Variants in PPP5C observed in about 807,000 individuals in gnomAD.
The protein encoded by PPP5C is serine/threonine-protein phosphatase 5.
A neutral mutation model predicts 66.7 loss-of-function variants in PPP5C; 21 were observed. The ratio of observed to expected loss-of-function variants is 0.31; its 90% CI spans 0.22 to 0.45. The LOEUF (loss-of-function observed/expected upper bound fraction) is 0.45. Ranked by LOEUF, PPP5C falls within the 20% of genes least tolerant of loss-of-function variation. PPP5C has a pLI of 1.00. For missense variants in PPP5C, 464 were observed against 675.9 expected (o/e 0.69, Z 3.48); for synonymous variants, 246 against 257.4 (o/e 0.96, Z 0.43).
At chr19:46,385,004 T>A (rs1221994508) in intron 7 of PPP5C, 95 bp downstream of exon 7, 1 of 1,022,758 alleles carries the variant, frequency 9.8e-7, no homozygotes, top group Non-Finnish European at 1.5e-6. Flanking sequence ...ATTTATTTTG[T>A]GGACTCGGAG....
At chr19:46,387,294 T>C in intron 8 of PPP5C, 59 bp downstream of exon 8, 1 of 1,612,724 alleles carries the variant, frequency 6.2e-7, no homozygotes, top group East Asian at 2.2e-5. Flanking sequence ...TGGGCAGATG[T>C]GCTGGTGAAG....
rs1972853464 is a variant in PPP5C, at chr19:46,384,752, C to T, written c.799-52C>T. The T allele has an allele frequency of 2.8e-6, 4 of 1,427,646 alleles. No homozygotes were observed. In the East Asian group the frequency reaches 9.1e-5, roughly 33 times the overall value. 88.4% of individuals were successfully genotyped at this position (1,427,646 alleles called of 1,614,324 possible). On this transcript the variant is annotated intron_variant, in intron 6 of 12. Transcript: ENST00000012443. Reference sequence around the variant, plus strand: ...TCTTCTGCCACCACCCCCAACCCCACCGCACCGCACCCTTCCCCTCCACGC... The same window carrying T: ...TCTTCTGCCACCACCCCCAACCCCATCGCACCGCACCCTTCCCCTCCACGC...
At chr19:46,360,951 G>A (rs1201092395) in intron 2 of PPP5C, among the ~76,000 whole-genome samples, 1 of 152,148 alleles carries the variant, frequency 6.6e-6, no homozygotes, top group African/African-American at 2.4e-5. Context: ...CTCTTTGGTA[G>A]AGAGGAGACT....
chr19:46,382,725 T>A, intron 4 of PPP5C: 1 of 916,058 alleles, frequency 1.1e-6, no homozygotes, highest in Non-Finnish European at 1.3e-6. Context: ...AAAGACGTCC[T>A]CTTGTGTGAC....
Position 46,364,040 on chromosome 19 carries a change from T to C in PPP5C, c.363+10051T>C, listed in dbSNP as rs984002469. Reference sequence around the variant, plus strand: ...CAGCGGTACATCAAAGAACAGGACTTAGAGGAGCCAGTCAAGGAGATCTTG... The same window carrying C: ...CAGCGGTACATCAAAGAACAGGACTCAGAGGAGCCAGTCAAGGAGATCTTG... On this transcript the variant is annotated intron_variant, in intron 2 of 12. Transcript: ENST00000012443. Among the ~76,000 whole-genome samples the C allele has an allele frequency of 3.9e-5, 6 of 152,170 alleles. No homozygotes were observed. In the South Asian group the frequency reaches 1.2e-3, roughly 32 times the overall value.
At chr19:46,369,492 C>A (rs191447655) in intron 2 of PPP5C, among the ~76,000 whole-genome samples, 1 of 151,594 alleles carries the variant, frequency 6.6e-6, no homozygotes, top group African/African-American at 2.4e-5. Context: ...ATTAGCCGGG[C>A]GTGGTGGCAG....
intron 7 of PPP5C, among the ~76,000 whole-genome samples, chr19:46,385,947 GAAA>G (rs35801370): frequency 7.9e-6 from 1 of 127,110 alleles, no homozygotes. Flanking sequence ...CTGTCTCTTT[GAAA>G]AAAAAAAAAA....
intron 2 of PPP5C, among the ~76,000 whole-genome samples, chr19:46,372,104 C>T (rs771390360): frequency 2.0e-5 from 3 of 152,016 alleles, no homozygotes; most frequent in Admixed American, 6.6e-5. Context: ...CAGAAATGGC[C>T]GTGTATGTGC....
At position 46,383,604 on chromosome 19, in the gene PPP5C, C is replaced by A; in HGVS notation, c.699+128C>A. On this transcript the variant is annotated intron_variant, in intron 5 of 12. Transcript: ENST00000012443. This position sits in a 1 kb window ranked among gnomAD's most constrained non-coding sequence, Gnocchi z 5.0. The stretch of plus-strand genomic sequence containing the variant: ...CCTCACACCCCACCCCTGTGCCTTT[C>A]CTCCTGAATATCCCATTTCTCTCCT... 9.0e-7 allele frequency: 1 copy of A among 1,106,922 alleles called. No homozygotes were observed. The highest frequency in any genetic ancestry group is 1.6e-5 in the South Asian group (1 of 64,214). 68.6% of individuals were successfully genotyped at this position (1,106,922 alleles called of 1,614,324 possible).
intron 2 of PPP5C, among the ~76,000 whole-genome samples, chr19:46,357,454 C>T (rs751855549): frequency 3.9e-5 from 6 of 152,134 alleles, no homozygotes; most frequent in Non-Finnish European, 5.9e-5. Context: ...ACCAAGCAGT[C>T]GATTCTGCAG....
intron 1 of PPP5C, among the ~76,000 whole-genome samples, chr19:46,350,739 AGGCTC>A (rs1339625167): frequency 7.1e-6 from 1 of 141,148 alleles, no homozygotes; most frequent in East Asian, 2.1e-4. Context: ...AAAGGAAGCA[AGGCTC>A]GGAGAAGTGA....
intron 2 of PPP5C, among the ~76,000 whole-genome samples, chr19:46,367,951 C>T (rs942689286): frequency 6.6e-6 from 1 of 152,182 alleles, no homozygotes; most frequent in Non-Finnish European, 1.5e-5. Context: ...TCATTTCCCC[C>T]GTTCCAGCTG....
chr19:46,384,532 C>T (rs1435271922), intron 6 of PPP5C: 11 of 413,190 alleles, frequency 2.7e-5, no homozygotes, highest in South Asian at 7.3e-5. Context: ...CGCACCTCCC[C>T]GCCACTGGCT....
intron 6 of PPP5C, 32 bp from the exon 7 acceptor site, chr19:46,384,772 C>G (rs1051451787): frequency 1.3e-6 from 2 of 1,551,894 alleles, no homozygotes; most frequent in Non-Finnish European, 1.8e-6. Context: ...CCCTTCCCCT[C>G]CACGCTTGCC....
At chr19:46,389,367 ACACACACACACACACACAC>A (rs545121681) in intron 11 of PPP5C, among the ~76,000 whole-genome samples, 33 of 2,178 alleles carry the variant, frequency 0.015, no homozygotes, top group African/African-American at 0.021. Flanking sequence ...CTCAAAACAC[ACACACACACACACACACAC>A]ACACACACAC....
intron 4 of PPP5C, among the ~76,000 whole-genome samples, chr19:46,378,956 T>C (rs1972742799): frequency 6.6e-6 from 1 of 152,124 alleles, no homozygotes; most frequent in Non-Finnish European, 1.5e-5. Flanking sequence ...TGATCTTGGC[T>C]CACTGCAACT....
rs1271259957 is a variant in PPP5C at position 46,353,848 on chromosome 19, C to T, written c.222C>T (p.Arg74=). 1.9e-6 allele frequency: 3 copies of T among 1,611,808 alleles called. No individual in the cohort carries two copies. The African/African-American group carries it at 4.0e-5, about 22-fold the overall frequency. Residue 74 remains arginine (R), a synonymous_variant, in exon 2 of 13, where the codon CGC becomes CGT. Coordinates refer to ENST00000012443, the MANE Select transcript of PPP5C (RefSeq NM_006247.4). ...YYGNRSLAYL[R]TECYGYALGD... is the part of the protein sequence containing the mutation. ...GCAACCGCAGCCTGGCCTACCTGCG[C>T]ACTGAGTGCTATGGCTACGCGCTGG...
intron 2 of PPP5C, 58 bp downstream of exon 2, chr19:46,354,047 G>C: frequency 1.3e-6 from 2 of 1,585,148 alleles, no homozygotes; most frequent in Non-Finnish European, 1.7e-6. Flanking sequence ...TGAGGGCTGG[G>C]CTGGCGGGGA....
At position 46,371,536 on chromosome 19, in the gene PPP5C, C is replaced by CA. The variant is rs1972592569; in HGVS notation, c.364-4067dup. Reference sequence around the variant, plus strand: ...AGGGTAGCTCACTCCACTGAGGTTGCACAGCCAGGAGGTGGCAGCTTTGTC... The same window carrying CA: ...AGGGTAGCTCACTCCACTGAGGTTGCAACAGCCAGGAGGTGGCAGCTTTGTC... On this transcript the variant is annotated intron_variant, in intron 2 of 12. Coordinates refer to ENST00000012443, the MANE Select transcript of PPP5C (RefSeq NM_006247.4). Among the ~76,000 whole-genome samples, 32 of 152,248 alleles carry CA rather than the reference C, an allele frequency of 2.1e-4. No homozygotes were observed. In the South Asian group the frequency reaches 6.6e-3, roughly 32 times the overall value.
Sources: allele counts gnomAD v4.1 joint callset (sites outside exome capture counted in the v4.1 genomes callset), GRCh38; gene constraint gnomAD v4.1.1; non-coding constraint Gnocchi (gnomAD v3.1); transcripts MANE v1.5; gene names NCBI Gene and HGNC (gene_info 2026-07-23, HGNC 2026-07-21).